The following ZNF888 variants were observed in gnomAD, a reference collection of about 807,000 sequenced individuals.
ZNF888 encodes the protein zinc finger protein 888.
In ZNF888, 5 loss-of-function variants were observed where a neutral mutation model predicts 7.2. The observed-to-expected ratio is 0.70, with a 90% CI of 0.36 to 1.46. ZNF888 has a LOEUF of 1.46. ZNF888 is among the 40% of genes most tolerant of loss of function. The pLI, the probability that ZNF888 is intolerant of heterozygous loss-of-function variation, is 0.03. For missense variants in ZNF888, 716 were observed against 858.0 expected (o/e 0.83, Z 2.07); for synonymous variants, 240 against 284.3 (o/e 0.84, Z 1.57).
At chr19:52,915,469 A>AT (rs1278919156) in intron 3 of ZNF888, 147 bp from the exon 4 acceptor site, 27 of 682,560 alleles carry the variant, frequency 4.0e-5, no homozygotes, top group Non-Finnish European at 4.0e-5. Flanking sequence ...CACATGATGT[A>AT]TTTTTTTTCT....
At chr19:52,915,364 G>A (rs749118991) in intron 3 of ZNF888, 42 bp from the exon 4 acceptor site, 1 of 1,612,562 alleles carries the variant, frequency 6.2e-7, no homozygotes, top group Non-Finnish European at 8.5e-7. Context: ...TATGAGAGGA[G>A]ATCTTATCTT....
At chr19:52,921,747 G>C (rs2064824330) in intron 1 of ZNF888, 1 of 565,706 alleles carries the variant, frequency 1.8e-6, no homozygotes, top group Non-Finnish European at 2.2e-6. Context: ...GACCTACATG[G>C]AGGAACCCCG....
Position 52,906,098 on chromosome 19 carries a change from C to T in ZNF888, c.*67G>A. On this transcript the variant is annotated 3_prime_UTR_variant, in exon 5 of 5. Transcript: ENST00000638862. ...TTACTACACTTGTAAGATCTCTATT[C>T]ATTATGGATTCTTCAATGATTTGCA... The T allele has an allele frequency of 6.2e-7, 1 of 1,608,838 alleles. No individual in the cohort carries two copies. The highest frequency in any genetic ancestry group is 1.1e-5 in the South Asian group (1 of 90,894).
intron 3 of ZNF888, 81 bp from the exon 4 acceptor site, chr19:52,915,403 A>G: frequency 5.0e-6 from 8 of 1,612,360 alleles, no homozygotes; most frequent in South Asian, 1.1e-5. Context: ...GAGAGGGGAA[A>G]GCATGGATTT....
chr19:52,914,593 C>T (rs1361330540), intron 4 of ZNF888, among the ~76,000 whole-genome samples: 2 of 152,190 alleles, frequency 1.3e-5, no homozygotes, highest in African/African-American at 4.8e-5. Context: ...ATCGAGCTCT[C>T]TTCCAAGAAC....
chr19:52,905,465 T>C lies in ZNF888; in HGVS notation c.*700A>G, dbSNP rs960747848. 26 of 164,974 alleles carry C rather than the reference T, an allele frequency of 1.6e-4. No individual in the cohort carries two copies. The South Asian group carries it at 1.7e-3, about 11-fold the overall frequency. 10.2% of individuals were successfully genotyped at this position (164,974 alleles called of 1,614,324 possible). On this transcript the variant is annotated 3_prime_UTR_variant, in exon 5 of 5. Coordinates refer to ENST00000638862, the MANE Select transcript of ZNF888 (RefSeq NM_001393938.1). ...TGATTAAAAAAAAAAAAAATCTGTA[T>C]CTGTTTTTGTTAAAGAAACAAAAAA...
At position 52,920,940 on chromosome 19, in the gene ZNF888, A is replaced by T. The variant is rs1162615740; in HGVS notation, c.-177-2003T>A. ...TCAGAATAAATCTCTTCAAATATTA[A>T]AAAAAAAAAAAAAAAAAAAAAAAAA... On this transcript the variant is annotated intron_variant, in intron 1 of 4. Coordinates refer to ENST00000638862, the MANE Select transcript of ZNF888 (RefSeq NM_001393938.1). Among the ~76,000 whole-genome samples, 36 of 12,048 alleles carry T rather than the reference A, an allele frequency of 3.0e-3. 10 individuals carry two copies. Among genetic ancestry groups the T allele is most frequent in the African/African-American group, 8.8e-3 (36 of 4,086 alleles). 7.9% of individuals were successfully genotyped at this position (12,048 alleles called of 152,430 possible).
rs2064683933 is a variant in ZNF888, at chr19:52,911,853, G to C, written c.142+3343C>G. Among the ~76,000 whole-genome samples, 3 of 151,906 alleles carry C rather than the reference G, an allele frequency of 2.0e-5. No homozygotes were observed. In the South Asian group the frequency reaches 6.2e-4, roughly 32 times the overall value. On this transcript the variant is annotated intron_variant, in intron 4 of 4. Transcript: ENST00000638862. ...TTTTTTTAAGATGGAGTCTCACTCT[G>C]TCGCCCAGGCTGGAGTACAGTGGTG...
intron 1 of ZNF888, among the ~76,000 whole-genome samples, chr19:52,922,841 C>A (rs909993826): frequency 2.6e-5 from 4 of 152,114 alleles, no homozygotes; most frequent in African/African-American, 9.7e-5. Context: ...ACCTCCCCAA[C>A]GCGGGCTCAG....
chr19:52,909,186 CTG>C (rs1022788903), intron 4 of ZNF888, among the ~76,000 whole-genome samples: 26 of 151,854 alleles, frequency 1.7e-4, no homozygotes, highest in African/African-American at 5.6e-4. Flanking sequence ...TTCTGAATAA[CTG>C]TTACAAAATT....
intron 1 of ZNF888, among the ~76,000 whole-genome samples, chr19:52,922,967 C>G (rs1174017617): frequency 6.6e-6 from 1 of 152,048 alleles, no homozygotes; most frequent in African/African-American, 2.4e-5. Flanking sequence ...ATCCCACCAC[C>G]GGGCAGAGAA....
intron 3 of ZNF888, chr19:52,917,428 G>C (rs912045164): frequency 6.7e-6 from 3 of 444,986 alleles, no homozygotes; most frequent in African/African-American, 2.0e-5. Context: ...TTAATATCAG[G>C]CAGAAAACAT....
At chr19:52,916,259 G>T (rs74176192) in intron 3 of ZNF888, among the ~76,000 whole-genome samples, 61 of 50,852 alleles carry the variant, frequency 1.2e-3, no homozygotes, top group African/African-American at 4.8e-3. Context: ...AGTGAGCTAC[G>T]ATCATGCCAG....
chr19:52,905,782 T>C lies in ZNF888; in HGVS notation c.*383A>G. 2 of 602,418 alleles carry C rather than the reference T, an allele frequency of 3.3e-6. No individual in the cohort carries two copies. The highest frequency in any genetic ancestry group is 6.5e-6 in the Non-Finnish European group (2 of 308,982). 37.3% of individuals were successfully genotyped at this position (602,418 alleles called of 1,614,324 possible). A position where few individuals can be genotyped will look rare whatever the true frequency, so the allele number is the denominator to read the frequency against. The stretch of plus-strand genomic sequence containing the variant: ...TATCTCAAAAATAAATTTTCTGATA[T>C]TCTGCAAGGAGTGATCTCAGACTGA... On this transcript the variant is annotated 3_prime_UTR_variant, in exon 5 of 5. Coordinates refer to ENST00000638862, the MANE Select transcript of ZNF888 (RefSeq NM_001393938.1).
intron 2 of ZNF888, 50 bp from the exon 3 acceptor site, chr19:52,917,981 G>A (rs2064770846): frequency 8.2e-6 from 13 of 1,587,474 alleles, no homozygotes; most frequent in Non-Finnish European, 1.1e-5. Context: ...ATTGCTCAGA[G>A]TCAACATACC....
intron 2 of ZNF888, chr19:52,918,142 G>A: frequency 7.3e-7 from 1 of 1,373,226 alleles, no homozygotes; most frequent in Non-Finnish European, 9.4e-7. Flanking sequence ...TGCAGCAGTA[G>A]GGATCTGGGC....
Position 52,905,785 on chromosome 19 carries a change from T to C in ZNF888, c.*380A>G. The C allele has an allele frequency of 1.6e-6, 1 of 613,290 alleles. No individual in the cohort carries two copies. Among genetic ancestry groups the C allele is most frequent in the South Asian group, 1.4e-5 (1 of 69,690 alleles). The allele number at this position is 613,290 out of a possible 1,614,324, so 38.0% of individuals were successfully genotyped here. A position where few individuals can be genotyped will look rare whatever the true frequency, so the allele number is the denominator to read the frequency against. On this transcript the variant is annotated 3_prime_UTR_variant, in exon 5 of 5. Coordinates refer to ENST00000638862, the MANE Select transcript of ZNF888 (RefSeq NM_001393938.1). ...CTCAAAAATAAATTTTCTGATATTC[T>C]GCAAGGAGTGATCTCAGACTGAAGA...
chr19:52,915,933 C>T (rs1217357623), intron 3 of ZNF888, among the ~76,000 whole-genome samples: 2 of 152,294 alleles, frequency 1.3e-5, no homozygotes, highest in African/African-American at 2.4e-5. Flanking sequence ...AAGTGACATT[C>T]AGTATCTCGA....
At position 52,919,292 on chromosome 19, in the gene ZNF888, C is replaced by G. The variant is rs1313167732; in HGVS notation, c.-177-355G>C. Among the ~76,000 whole-genome samples the G allele has an allele frequency of 3.4e-5, 2 of 59,166 alleles. 1 individual carries two copies. The highest frequency in any genetic ancestry group is 1.1e-4 in the African/African-American group (2 of 18,940). 38.8% of individuals were successfully genotyped at this position (59,166 alleles called of 152,430 possible). A position where few individuals can be genotyped will look rare whatever the true frequency, so the allele number is the denominator to read the frequency against. On this transcript the variant is annotated intron_variant, in intron 1 of 4. Coordinates refer to ENST00000638862, the MANE Select transcript of ZNF888 (RefSeq NM_001393938.1). ...GCCTGATTCTCCTGCCTCAGCCTGC[C>G]GAGCGCCTGCGATTGCGGGCGCGCG...
Sources: gnomAD v4.1 joint callset for allele counts (sites outside exome capture counted in the v4.1 genomes callset) on GRCh38, gnomAD v4.1.1 for gene constraint, MANE v1.5 for transcripts, NCBI Gene and HGNC (gene_info 2026-07-23, HGNC 2026-07-21) for gene names.